The following CLCN3 variants were observed in gnomAD, a reference collection of about 807,000 sequenced individuals.
CLCN3 encodes H(+)/Cl(-) exchange transporter 3.
CLCN3 carries 16 observed loss-of-function variants against 83.4 expected under a neutral mutation model. The ratio of observed to expected loss-of-function variants is 0.19; its 90% CI spans 0.13 to 0.29. CLCN3 has a LOEUF of 0.29. CLCN3 is among the 10% of genes least tolerant of loss of function. The probability of loss-of-function intolerance (pLI) is 1.00; values close to 1 mark genes in which losing one functional copy is unlikely to be tolerated. For missense variants in CLCN3, 544 were observed against 1,006.0 expected (o/e 0.54, Z 6.21); for synonymous variants, 322 against 346.2 (o/e 0.93, Z 0.78).
intron 5 of CLCN3, among the ~76,000 whole-genome samples, chr4:169,689,990 A>G (rs1481922258): frequency 6.6e-6 from 1 of 152,172 alleles, no homozygotes. Flanking sequence ...AGGGATTAGG[A>G]AAAAGATTAA....
At chr4:169,671,730 A>T (rs1229786769) in intron 2 of CLCN3, among the ~76,000 whole-genome samples, 1 of 152,142 alleles carries the variant, frequency 6.6e-6, no homozygotes, top group Non-Finnish European at 1.5e-5. Context: ...ATGGCAATGG[A>T]TGTCTCTGAC....
intron 2 of CLCN3, among the ~76,000 whole-genome samples, chr4:169,656,323 A>G (rs1045827026): frequency 4.6e-5 from 7 of 152,194 alleles, no homozygotes; most frequent in African/African-American, 1.7e-4. Context: ...ATGGCGGAAG[A>G]TGAAGGAGAA....
intron 2 of CLCN3, among the ~76,000 whole-genome samples, chr4:169,642,085 A>AT (rs931433696): frequency 3.2e-4 from 47 of 148,482 alleles, no homozygotes; most frequent in South Asian, 1.5e-3. Context: ...TTTAAAATTT[A>AT]TTTTTTTTTT....
intron 9 of CLCN3, among the ~76,000 whole-genome samples, chr4:169,698,314 A>G (rs903863738): frequency 1.3e-4 from 20 of 152,190 alleles, no homozygotes; most frequent in African/African-American, 4.3e-4. Context: ...TTCTTCATTC[A>G]TGACTAGCAC....
intron 1 of CLCN3, among the ~76,000 whole-genome samples, chr4:169,623,568 T>A (rs536810235): frequency 6.6e-6 from 1 of 152,210 alleles, no homozygotes; most frequent in Non-Finnish European, 1.5e-5. Context: ...TAGTACATTA[T>A]TATTAATTAT....
chr4:169,621,311 G>C (rs1055265686), intron 1 of CLCN3, among the ~76,000 whole-genome samples: 2 of 152,158 alleles, frequency 1.3e-5, no homozygotes, highest in Non-Finnish European at 2.9e-5. Flanking sequence ...TGGGTTCCAG[G>C]AGAAGATTAA....
chr4:169,632,849 A>G (rs1198073898), intron 1 of CLCN3, among the ~76,000 whole-genome samples: 1 of 152,006 alleles, frequency 6.6e-6, no homozygotes, highest in African/African-American at 2.4e-5. Context: ...TTAACATGGA[A>G]TGGAGAGAGA....
chr4:169,642,556 T>TCTGC (rs1252025837), intron 2 of CLCN3, among the ~76,000 whole-genome samples: 2 of 152,026 alleles, frequency 1.3e-5, no homozygotes, highest in Non-Finnish European at 2.9e-5. Flanking sequence ...CAGACAGGGG[T>TCTGC]CTGACTCTGT....
At chr4:169,668,701 C>T (rs539293837) in intron 2 of CLCN3, among the ~76,000 whole-genome samples, 10 of 150,802 alleles carry the variant, frequency 6.6e-5, no homozygotes, top group South Asian at 2.1e-4. Flanking sequence ...CACTGGCATC[C>T]GGTAGTCAGC....
intron 2 of CLCN3, among the ~76,000 whole-genome samples, chr4:169,672,399 C>T (rs1301102400): frequency 5.3e-5 from 8 of 151,734 alleles, no homozygotes; most frequent in South Asian, 2.1e-4. Flanking sequence ...CTCAGCCTCC[C>T]GAAGTGCTGG....
chr4:169,682,733 T>C (rs1323754173), intron 3 of CLCN3, among the ~76,000 whole-genome samples: 2 of 152,230 alleles, frequency 1.3e-5, no homozygotes, highest in Non-Finnish European at 2.9e-5. Context: ...GAAACTGGCA[T>C]AATATGATTT....
At position 169,713,071 on chromosome 4, in the gene CLCN3, CTT is replaced by C; in HGVS notation, c.2150-5_2150-4del. ...TTAAAAGTGTTGGTCTCTTCTCTCT[CTT>C]TTCAGAAAGTGCCAGGAAAAAACAA... On this transcript the variant is annotated splice_polypyrimidine_tract_variant and splice_region_variant and intron_variant, in intron 11 of 12. Coordinates refer to ENST00000513761, the MANE Select transcript of CLCN3 (RefSeq NM_001829.4). 1 of 1,611,696 alleles carries C rather than the reference CTT, an allele frequency of 6.2e-7. No homozygotes were observed. Among genetic ancestry groups the C allele is most frequent in the South Asian group, 1.1e-5 (1 of 90,928 alleles).
At chr4:169,710,582 T>A (rs1408031994) in intron 11 of CLCN3, among the ~76,000 whole-genome samples, 1 of 152,236 alleles carries the variant, frequency 6.6e-6, no homozygotes, top group Non-Finnish European at 1.5e-5. Flanking sequence ...GTTATTTTTT[T>A]AAATGACAAA....
chr4:169,635,809 A>T, intron 1 of CLCN3, 104 bp from the exon 2 acceptor site: 2 of 885,540 alleles, frequency 2.3e-6, no homozygotes, highest in Admixed American at 3.4e-5. Flanking sequence ...AATACGCTTA[A>T]TTTTTTTTAG....
Position 169,668,045 on chromosome 4 carries a change from T to TTG in CLCN3, c.161-12004_161-12003insGT, listed in dbSNP as rs1285733580. ...TGAGCCACCGCGCCCGGCCAGACAT[T>TTG]TTTTTTTTTTTTTTTTTTTTTGCTG... On this transcript the variant is annotated intron_variant, in intron 2 of 12. Coordinates refer to ENST00000513761, the MANE Select transcript of CLCN3 (RefSeq NM_001829.4). Among the ~76,000 whole-genome samples, 134 of 136,626 alleles carry TTG rather than the reference T, an allele frequency of 9.8e-4. 3 individuals carry two copies. Among genetic ancestry groups the TTG allele is most frequent in the South Asian group, 4.2e-3 (16 of 3,808 alleles). The allele number at this position is 136,626 out of a possible 152,430, so 89.6% of individuals were successfully genotyped here. A position where few individuals can be genotyped will look rare whatever the true frequency, so the allele number is the denominator to read the frequency against.
chr4:169,680,098 A>G lies in CLCN3; in HGVS notation c.209A>G (p.His70Arg). ...GGAGGCAGCATTAACAGTTCTACAC[A>G]TTTACTGGATCTTTTGGATGAACCA... Reference protein sequence around the residue: ...TNGGSINSSTHLLDLLDEPIP... With the variant: ...TNGGSINSSTRLLDLLDEPIP... Residue 70 changes from histidine (H) to arginine (R), a missense_variant, in exon 3 of 13, where the codon CAT becomes CGT. Coordinates refer to ENST00000513761, the MANE Select transcript of CLCN3 (RefSeq NM_001829.4). The G allele has an allele frequency of 6.2e-7, 1 of 1,612,228 alleles. No individual in the cohort carries two copies. Among genetic ancestry groups the G allele is most frequent in the Non-Finnish European group, 8.5e-7 (1 of 1,178,264 alleles).
At chr4:169,628,960 A>G (rs907319387) in intron 1 of CLCN3, among the ~76,000 whole-genome samples, 6 of 152,240 alleles carry the variant, frequency 3.9e-5, no homozygotes, top group Non-Finnish European at 7.3e-5. Context: ...GACTACTCTG[A>G]TAAAAAGGAA....
chr4:169,646,925 G>A (rs796398840), intron 2 of CLCN3, among the ~76,000 whole-genome samples: 6 of 152,268 alleles, frequency 3.9e-5, no homozygotes, highest in African/African-American at 1.4e-4. Context: ...AAAAGAATAC[G>A]GTAGAAGAAA....
At chr4:169,691,884 T>C (rs1732387971) in intron 6 of CLCN3, among the ~76,000 whole-genome samples, 1 of 152,214 alleles carries the variant, frequency 6.6e-6, no homozygotes, top group African/African-American at 2.4e-5. Flanking sequence ...ATTTTGTTCC[T>C]GAGATAGTGT....
Sources: gnomAD v4.1 joint callset for allele counts (sites outside exome capture counted in the v4.1 genomes callset) on GRCh38, gnomAD v4.1.1 for gene constraint, MANE v1.5 for transcripts, NCBI Gene and HGNC (gene_info 2026-07-23, HGNC 2026-07-21) for gene names.